MTA3: variants seen among roughly 807,000 people sequenced by gnomAD.
The protein encoded by MTA3 is metastasis associated 1 family member 3, also known as metastasis-associated protein MTA3.
A neutral mutation model predicts 83.5 loss-of-function variants in MTA3; 34 were observed. The ratio of observed to expected loss-of-function variants is 0.41; its 90% CI spans 0.31 to 0.54. MTA3 has a LOEUF of 0.54. Among genes scored for constraint, MTA3 ranks in the 20% least tolerant of loss-of-function variants. MTA3 has a pLI of 0.33. For synonymous variants in MTA3, 303 were observed against 252.7 expected (o/e 1.20, Z -1.89); for missense variants, 761 against 726.4 (o/e 1.05, Z -0.55).
At chr2:42,668,473 A>G (rs368977144) in intron 8 of MTA3, among the ~76,000 whole-genome samples, 9 of 152,342 alleles carry the variant, frequency 5.9e-5, no homozygotes, top group East Asian at 1.9e-4. Flanking sequence ...GAGTTCCCAC[A>G]TGACATCAAC....
In MTA3 at chr2:42,582,294, G is replaced by A. The variant is rs536858350; in HGVS notation, c.190+3094G>A. ...AGGATGGTCTCGATCTCCTGACCTC[G>A]TGATCTGCCTGCCTTGGCCTCCCAA... On this transcript the variant is annotated intron_variant, in intron 3 of 16. Transcript: ENST00000405094. Among the ~76,000 whole-genome samples, 26 of 152,248 alleles carry A rather than the reference G, an allele frequency of 1.7e-4. 1 individual carries two copies. The highest frequency in any genetic ancestry group is 5.5e-4 in the African/African-American group (23 of 41,550).
At chr2:42,648,554 C>T (rs1202092779) in intron 6 of MTA3, among the ~76,000 whole-genome samples, 5 of 152,122 alleles carry the variant, frequency 3.3e-5, no homozygotes, top group African/African-American at 7.2e-5. Context: ...ATTTGTCTTG[C>T]TAGGGAATAA....
At chr2:42,590,185 G>A in intron 3 of MTA3, among the ~76,000 whole-genome samples, 1 of 152,162 alleles carries the variant, frequency 6.6e-6, no homozygotes, top group South Asian at 2.1e-4. Flanking sequence ...TGGTTTGGAT[G>A]TTGTGCCCTC....
At chr2:42,513,538 T>C (rs1371741204) in intron 2 of MTA3, among the ~76,000 whole-genome samples, 1 of 152,096 alleles carries the variant, frequency 6.6e-6, no homozygotes, top group Non-Finnish European at 1.5e-5. Context: ...TGAGGCCACA[T>C]CTAAACCTAG....
chr2:42,515,947 T>C (rs1675128321), intron 2 of MTA3, among the ~76,000 whole-genome samples: 1 of 151,544 alleles, frequency 6.6e-6, no homozygotes, highest in South Asian at 2.1e-4. Context: ...TTCACGCCAT[T>C]CTCCTGCTTC....
intron 8 of MTA3, among the ~76,000 whole-genome samples, chr2:42,666,256 G>A (rs769695026): frequency 3.3e-5 from 5 of 152,180 alleles, no homozygotes; most frequent in Non-Finnish European, 5.9e-5. Context: ...CAGCCTGGGT[G>A]ACAGAGCGAG....
At chr2:42,609,684 A>C in intron 4 of MTA3, 100 bp downstream of exon 4, 1 of 1,340,866 alleles carries the variant, frequency 7.5e-7, no homozygotes, top group East Asian at 2.3e-5. Context: ...GATCTTGCTT[A>C]AACTACTTTG....
intron 2 of MTA3, among the ~76,000 whole-genome samples, chr2:42,515,841 A>ATT (rs35541351): frequency 0.15 from 20,270 of 132,530 alleles, 1,590 homozygotes; most frequent in Non-Finnish European, 0.16. Context: ...TATTTTATGT[A>ATT]TTTTTTTTTT....
At chr2:42,577,369 T>G (rs994461252) in intron 2 of MTA3, among the ~76,000 whole-genome samples, 1 of 151,660 alleles carries the variant, frequency 6.6e-6, no homozygotes, top group African/African-American at 2.4e-5. Flanking sequence ...TGAACTATGC[T>G]CCCCGCCCCC....
chr2:42,683,117 G>T (rs1301372884), intron 9 of MTA3, among the ~76,000 whole-genome samples: 2 of 152,156 alleles, frequency 1.3e-5, no homozygotes, highest in African/African-American at 2.4e-5. Flanking sequence ...AGGAAGTCCT[G>T]TGTTTTTGGT....
chr2:42,527,646 T>G (rs1189570560), intron 2 of MTA3, among the ~76,000 whole-genome samples: 1 of 152,070 alleles, frequency 6.6e-6, no homozygotes, highest in Non-Finnish European at 1.5e-5. Context: ...AAATAAAGTT[T>G]AATAATTTTT....
intron 3 of MTA3, among the ~76,000 whole-genome samples, chr2:42,592,731 CAG>C (rs1272323561): frequency 6.6e-6 from 1 of 152,216 alleles, no homozygotes; most frequent in Admixed American, 6.5e-5. Flanking sequence ...TCTTCAGGAA[CAG>C]TAACACACAC....
At chr2:42,585,767 C>T (rs571796366) in intron 3 of MTA3, among the ~76,000 whole-genome samples, 3 of 152,024 alleles carry the variant, frequency 2.0e-5, no homozygotes, top group African/African-American at 7.2e-5. Context: ...AGCCACTTTG[C>T]GTGGCCCCAT....
intron 3 of MTA3, among the ~76,000 whole-genome samples, chr2:42,582,258 C>T (rs1211425062): frequency 6.6e-6 from 1 of 152,036 alleles, no homozygotes; most frequent in Non-Finnish European, 1.5e-5. Context: ...CGGGGTTTCA[C>T]CGCGTTAGCC....
intron 11 of MTA3, chr2:42,702,572 A>G (rs989861168): frequency 6.6e-6 from 1 of 152,268 alleles, no homozygotes; most frequent in Non-Finnish European, 1.5e-5. Flanking sequence ...AAGACAGCAT[A>G]TAATCTGCAT....
chr2:42,667,621 AAGAGAGAGAGAGAGAGAGAGAG>A (rs70963342), intron 8 of MTA3, among the ~76,000 whole-genome samples: 1 of 114,076 alleles, frequency 8.8e-6, no homozygotes, highest in African/African-American at 3.3e-5. Context: ...TAGAGAGAGA[AAGAGAGAGAGAGAGAGAGAGAG>A]AGAGAGAGAG....
chr2:42,684,048 A>T (rs1052466229), intron 9 of MTA3, among the ~76,000 whole-genome samples: 2 of 152,226 alleles, frequency 1.3e-5, no homozygotes, highest in African/African-American at 2.4e-5. Flanking sequence ...ACCACAATTA[A>T]CACATTCATC....
intron 2 of MTA3, among the ~76,000 whole-genome samples, chr2:42,552,477 G>C (rs1414086838): frequency 6.6e-6 from 1 of 152,068 alleles, no homozygotes. Context: ...CTAGCCCCAG[G>C]GGGTGGTGGC....
At chr2:42,556,519 A>C (rs867659692) in intron 2 of MTA3, among the ~76,000 whole-genome samples, 1 of 152,208 alleles carries the variant, frequency 6.6e-6, no homozygotes, top group South Asian at 2.1e-4. Context: ...TGCTGACACC[A>C]GCATCATAAA....
Sources: allele counts gnomAD v4.1 joint callset (sites outside exome capture counted in the v4.1 genomes callset), GRCh38; gene constraint gnomAD v4.1.1; transcripts MANE v1.5; gene names NCBI Gene and HGNC (gene_info 2026-07-23, HGNC 2026-07-21).